CTSH: variants seen among roughly 807,000 people sequenced by gnomAD.
CTSH encodes cathepsin H.
Under a neutral mutation model 56.3 loss-of-function variants are expected in CTSH, and 52 were observed. That is an observed-to-expected ratio of 0.92 (90% CI 0.74 to 1.16). CTSH has a LOEUF of 1.16. Among genes scored for constraint, CTSH ranks in the 50% most tolerant of loss-of-function variants. CTSH has a pLI of 0.00. For missense variants in CTSH, 406 were observed against 424.5 expected, an observed-to-expected ratio of 0.96 and a Z score of 0.38; for synonymous variants, 174 against 155.7, an observed-to-expected ratio of 1.12 and a Z score of -0.88.
At chr15:78,927,654 A>G (rs1449399147) in intron 9 of CTSH, 59 bp downstream of exon 9, 1 of 1,503,570 alleles carries the variant, frequency 6.7e-7, no homozygotes, top group Non-Finnish European at 9.3e-7. Flanking sequence ...ATCCGACAGC[A>G]TGAGAGAGGC....
At chr15:78,931,619 T>C (rs2055063222) in intron 6 of CTSH, 113 bp from the exon 7 acceptor site, 45 of 1,574,188 alleles carry the variant, frequency 2.9e-5, no homozygotes, top group Non-Finnish European at 3.7e-5. Context: ...CAGTGCTGTG[T>C]CAAGGTGACC....
chr15:78,924,066 C>A (rs2054837503), intron 10 of CTSH, among the ~76,000 whole-genome samples: 1 of 133,758 alleles, frequency 7.5e-6, no homozygotes, highest in Non-Finnish European at 1.5e-5. Context: ...GGCGACAGAG[C>A]CCCCAGGAGG....
rs1396631323 is a variant in CTSH, at chr15:78,944,975, C to T, written c.7G>A (p.Ala3Thr). Reference protein sequence around the residue: MWATLPLLCAGAW... With the variant: MWTTLPLLCAGAW... ...CCGGCGCAGAGCAGCGGCAGCGTGG[C>T]CCACATCGCAGCGCTGGCGGCTTGG... is the stretch of plus-strand genomic sequence containing the variant. Residue 3 changes from alanine to threonine, a missense_variant, in exon 1 of 12, where the codon GCC becomes ACC. Physicochemically the swap from Ala to Thr is moderately conservative, Grantham distance 58. Coordinates refer to ENST00000220166, the MANE Select transcript of CTSH (RefSeq NM_004390.5). 1.9e-6 allele frequency: 3 copies of T among 1,543,220 alleles called. No homozygotes were observed. The highest frequency in any genetic ancestry group is 2.5e-5 in the East Asian group (1 of 40,400).
chr15:78,945,028 G>A lies in CTSH; in HGVS notation c.-47C>T, dbSNP rs992098031. ...CTTGCGCTCAGGGTCCGCGGAGGTG[G>A]CGGCCCAGAGCGTCAACTGGGAGCG... On this transcript the variant is annotated 5_prime_UTR_variant, in exon 1 of 12. Coordinates refer to ENST00000220166, the MANE Select transcript of CTSH (RefSeq NM_004390.5). 9.0e-6 allele frequency: 13 copies of A among 1,441,494 alleles called. No homozygotes were observed. In the East Asian group the frequency reaches 3.2e-4, roughly 35 times the overall value. 89.3% of individuals were successfully genotyped at this position (1,441,494 alleles called of 1,614,324 possible).
intron 5 of CTSH, 44 bp from the exon 6 acceptor site, chr15:78,932,502 G>T: frequency 6.8e-7 from 1 of 1,465,802 alleles, no homozygotes; most frequent in Non-Finnish European, 9.5e-7. Flanking sequence ...TGATGGGGAC[G>T]CCGTGAGACA....
intron 3 of CTSH, 127 bp downstream of exon 3, chr15:78,937,191 G>A (rs2055193792): frequency 1.4e-6 from 1 of 715,802 alleles, no homozygotes; most frequent in South Asian, 1.7e-5. Context: ...ACAATCTGAG[G>A]TCAGCCAAAC....
At position 78,922,160 on chromosome 15, in the gene CTSH, G is replaced by T; in HGVS notation, c.978C>A (p.Ala326=). Residue 326 remains alanine, a synonymous_variant, in exon 12 of 12, where the codon GCC becomes GCA. Coordinates refer to ENST00000220166, the MANE Select transcript of CTSH (RefSeq NM_004390.5). ...ERGKNMCGLA[A]CASYPIPLV ...CCAGAGGGATGGGGTAGGAGGCGCA[G>T]GCAGCCAGGCCACACATGTTCTTTC... 1 of 1,581,044 alleles carries T rather than the reference G, an allele frequency of 6.3e-7. No homozygotes were observed. Among genetic ancestry groups the T allele is most frequent in the Non-Finnish European group, 8.6e-7 (1 of 1,164,388 alleles).
At chr15:78,937,218 G>C (rs1323670895) in intron 3 of CTSH, 100 bp downstream of exon 3, 1 of 890,148 alleles carries the variant, frequency 1.1e-6, no homozygotes, top group Non-Finnish European at 1.8e-6. Flanking sequence ...TCAGAGCCTG[G>C]GCTTCTGCTC....
chr15:78,922,778 C>T (rs2289690), intron 11 of CTSH, among the ~76,000 whole-genome samples: 2,310 of 152,328 alleles, frequency 0.015, 86 homozygotes, highest in East Asian at 0.14. Flanking sequence ...CTCCCTGCAG[C>T]GTCCTAAAGA....
intron 2 of CTSH, 23 bp from the exon 3 acceptor site, chr15:78,937,446 C>T: frequency 1.3e-6 from 2 of 1,598,172 alleles, no homozygotes; most frequent in South Asian, 1.1e-5. Flanking sequence ...ACGCCAGTAG[C>T]AAGTCATGGA....
At chr15:78,935,553 A>G (rs1261880145) in intron 4 of CTSH, 127 bp downstream of exon 4, 2 of 731,510 alleles carry the variant, frequency 2.7e-6, no homozygotes, top group African/African-American at 1.8e-5. Context: ...CCCCCAAAGA[A>G]TCTGGGGATA....
chr15:78,943,603 AT>A (rs1254262188), intron 1 of CTSH, among the ~76,000 whole-genome samples: 13 of 152,180 alleles, frequency 8.5e-5, no homozygotes, highest in Non-Finnish European at 1.3e-4. Context: ...GAAGAAACAT[AT>A]TTCGTAGCAC....
At chr15:78,928,659 C>G (rs186551025) in intron 8 of CTSH, among the ~76,000 whole-genome samples, 9 of 151,854 alleles carry the variant, frequency 5.9e-5, no homozygotes, top group Non-Finnish European at 1.3e-4. Flanking sequence ...CGCATGGAGC[C>G]TCGGCGGCAT....
At position 78,921,954 on chromosome 15, in the gene CTSH, CTCATGGTGG is replaced by C; in HGVS notation, c.*167_*175del. 1.6e-6 allele frequency: 1 copy of C among 609,642 alleles called. No individual in the cohort carries two copies. The allele number at this position is 609,642 out of a possible 1,614,324, so 37.8% of individuals were successfully genotyped here. On this transcript the variant is annotated 3_prime_UTR_variant, in exon 12 of 12. Coordinates refer to ENST00000220166, the MANE Select transcript of CTSH (RefSeq NM_004390.5). ...TCTTTGCGTCATAGACACGGGTGAG[CTCATGGTGG>C]AACTCCTCCTTGTCTGTAGGTTTCC...
chr15:78,924,385 AGTGT>A (rs1220871166), intron 10 of CTSH, among the ~76,000 whole-genome samples: 1 of 151,940 alleles, frequency 6.6e-6, no homozygotes, highest in East Asian at 1.9e-4. Flanking sequence ...AAGCTGGAAC[AGTGT>A]GTGGGGGGTT....
rs1330775079 is a variant in CTSH at position 78,925,431 on chromosome 15, C to T, written c.709G>A (p.Glu237Lys). The T allele has an allele frequency of 6.2e-7, 1 of 1,612,296 alleles. No individual in the cohort carries two copies. Among genetic ancestry groups the T allele is most frequent in the Non-Finnish European group, 8.5e-7 (1 of 1,178,378 alleles). ...AGGGCCACAGCCTCCACCATCGCTTCCTCGTCATACTGTGGAAACAGGACC... is the reference window on the plus strand; with the variant it reads ...AGGGCCACAGCCTCCACCATCGCTTTCTCGTCATACTGTGGAAACAGGACC... Reference protein sequence around the residue: ...DVANITIYDEEAMVEAVALYN... With the variant: ...DVANITIYDEKAMVEAVALYN... The change falls in exon 10 of 12, where the codon GAA becomes AAA. Residue 237 changes from glutamate (E) to lysine (K), a missense_variant. Glu to Lys is a moderately conservative substitution (Grantham distance 56, BLOSUM62 1). Transcript: ENST00000220166.
At chr15:78,935,538 T>A in intron 4 of CTSH, 142 bp downstream of exon 4, 1 of 659,002 alleles carries the variant, frequency 1.5e-6, no homozygotes, top group Non-Finnish European at 2.6e-6. Flanking sequence ...CTGACTCTTC[T>A]GGTTCCCCCA....
intron 5 of CTSH, among the ~76,000 whole-genome samples, chr15:78,933,044 C>A (rs1354799864): frequency 6.6e-6 from 1 of 152,038 alleles, no homozygotes; most frequent in Non-Finnish European, 1.5e-5. Flanking sequence ...GCCAGACAAC[C>A]CCACCCAGAC....
chr15:78,942,797 C>T (rs73472305), intron 1 of CTSH, among the ~76,000 whole-genome samples: 2,997 of 152,228 alleles, frequency 0.02, 91 homozygotes, highest in African/African-American at 0.069. Flanking sequence ...CACTCTCTGC[C>T]GGCATCACTT....
Sources: allele counts gnomAD v4.1 joint callset (sites outside exome capture counted in the v4.1 genomes callset), GRCh38; gene constraint gnomAD v4.1.1; transcripts MANE v1.5; gene names NCBI Gene and HGNC (gene_info 2026-07-23, HGNC 2026-07-21).